The following SCN11A variants were observed in gnomAD, a reference collection of about 807,000 sequenced individuals.
SCN11A encodes the protein sodium channel protein type 11 subunit alpha.
In SCN11A, 122 loss-of-function variants were observed where a neutral mutation model predicts 162.2. The ratio of observed to expected loss-of-function variants is 0.75; its 90% confidence interval spans 0.65 to 0.87. The LOEUF is 0.87. Ranked by LOEUF, SCN11A falls within the 40% of genes least tolerant of loss-of-function variation. SCN11A has a pLI of 0.00. For missense variants in SCN11A, 2,015 were observed against 2,181.6 expected (o/e 0.92, Z 1.52); for synonymous variants, 758 against 751.5 (o/e 1.01, Z -0.14).
At chr3:39,049,534 T>C (rs914089853) in intron 1 of SCN11A, among the ~76,000 whole-genome samples, 5 of 152,164 alleles carry the variant, frequency 3.3e-5, no homozygotes, top group Non-Finnish European at 7.3e-5. Context: ...CAATGACCAA[T>C]GGAATAGACT....
intron 2 of SCN11A, among the ~76,000 whole-genome samples, chr3:38,975,893 T>C (rs1200660381): frequency 6.6e-6 from 1 of 152,150 alleles, no homozygotes; most frequent in Admixed American, 6.6e-5. Flanking sequence ...GCTCTGGAGA[T>C]TGATCTCACA....
chr3:39,040,035 GCTGGTGCCCAC>G (rs1209329522), intron 1 of SCN11A, among the ~76,000 whole-genome samples: 6 of 152,138 alleles, frequency 3.9e-5, no homozygotes, highest in South Asian at 2.1e-4. Context: ...GTTCCTCAGG[GCTGGTGCCCAC>G]CTGGTGCCCA....
chr3:38,967,940 C>G (rs1171021950), intron 2 of SCN11A, among the ~76,000 whole-genome samples: 1 of 152,190 alleles, frequency 6.6e-6, no homozygotes, highest in African/African-American at 2.4e-5. Flanking sequence ...CACTCTGCTT[C>G]CAATTCTAAT....
intron 23 of SCN11A, among the ~76,000 whole-genome samples, chr3:38,873,362 T>C (rs1038734201): frequency 6.6e-6 from 1 of 152,130 alleles, no homozygotes. Flanking sequence ...CTAAAAACAT[T>C]CCTCACAAAT....
intron 19 of SCN11A, among the ~76,000 whole-genome samples, chr3:38,890,081 C>T (rs2065473954): frequency 1.3e-5 from 2 of 152,030 alleles, no homozygotes; most frequent in Admixed American, 1.3e-4. Flanking sequence ...AAGTTGGCTC[C>T]CTTTTTCCAT....
chr3:38,883,335 C>G lies in SCN11A; in HGVS notation c.3117G>C (p.Trp1039Cys). 6.2e-7 allele frequency: 1 copy of G among 1,614,004 alleles called. No homozygotes were observed. The highest frequency in any genetic ancestry group is 8.5e-7 in the Non-Finnish European group (1 of 1,179,944). ...TTTTCCGCAGGTTCCACCAAATGAC[C>G]CAGGGAGGCTTTCTCTTGTCCACGC... ...CCSVDKRKPP[W>C]VIWWNLRKTC... Residue 1039 changes from tryptophan (W) to cysteine (C), a missense_variant, in exon 22 of 30, where the codon TGG (tryptophan) becomes TGC (cysteine). Physicochemically the swap from Trp to Cys is radical, Grantham distance 215. Coordinates refer to ENST00000302328, the MANE Select transcript of SCN11A (RefSeq NM_001349253.2).
At chr3:38,994,778 C>T (rs554718065) in intron 2 of SCN11A, among the ~76,000 whole-genome samples, 1 of 152,242 alleles carries the variant, frequency 6.6e-6, no homozygotes, top group South Asian at 2.1e-4. Context: ...CCCACAAGAT[C>T]CACCTGGAGA....
chr3:38,927,852 C>T (rs1036043999), intron 7 of SCN11A, among the ~76,000 whole-genome samples: 1 of 152,148 alleles, frequency 6.6e-6, no homozygotes, highest in African/African-American at 2.4e-5. Context: ...CTCTACCACA[C>T]GTTAGGATTA....
chr3:38,904,475 T>C (rs1447380511), intron 15 of SCN11A, among the ~76,000 whole-genome samples: 2 of 152,034 alleles, frequency 1.3e-5, no homozygotes, highest in African/African-American at 4.8e-5. Flanking sequence ...AGGTCAGCTG[T>C]AACAGAGGCA....
chr3:39,018,255 C>T (rs2031347949), intron 2 of SCN11A, among the ~76,000 whole-genome samples: 1 of 152,162 alleles, frequency 6.6e-6, no homozygotes, highest in Non-Finnish European at 1.5e-5. Flanking sequence ...AGTACTCTGC[C>T]AAATACTAGA....
rs1553648565 is a variant in SCN11A, at chr3:38,995,797, T to TTGTCTATCTATCTATCTGTCTGTC, written c.-279-35375_-279-35374insGACAGACAGATAGATAGATAGACA. The stretch of plus-strand genomic sequence containing the variant: ...ATGTGAGCCAATTTCTCACAATAAA[T>TTGTCTATCTATCTATCTGTCTGTC]TGTCTATCTATCTATCTATCTGTCT... On this transcript the variant is annotated intron_variant, in intron 2 of 29. Coordinates refer to ENST00000302328, the MANE Select transcript of SCN11A (RefSeq NM_001349253.2). Among the ~76,000 whole-genome samples the TTGTCTATCTATCTATCTGTCTGTC allele has an allele frequency of 3.2e-3, 352 of 108,532 alleles. 2 individuals carry two copies. Among genetic ancestry groups the TTGTCTATCTATCTATCTGTCTGTC allele is most frequent in the African/African-American group, 0.015 (325 of 22,146 alleles). 71.2% of individuals were successfully genotyped at this position (108,532 alleles called of 152,430 possible).
chr3:38,860,358 T>C (rs1048238809), intron 28 of SCN11A, among the ~76,000 whole-genome samples: 3 of 151,758 alleles, frequency 2.0e-5, no homozygotes, highest in East Asian at 1.9e-4. Context: ...CACTAAAAGA[T>C]AGAGAAAGAG....
At chr3:38,866,713 G>A (rs1195281536) in intron 27 of SCN11A, among the ~76,000 whole-genome samples, 1 of 152,188 alleles carries the variant, frequency 6.6e-6, no homozygotes, top group East Asian at 1.9e-4. Flanking sequence ...CCACCTTTGG[G>A]TGATTTAAAT....
At chr3:38,971,273 GA>G (rs1559560694) in intron 2 of SCN11A, among the ~76,000 whole-genome samples, 1 of 151,988 alleles carries the variant, frequency 6.6e-6, no homozygotes, top group African/African-American at 2.4e-5. Context: ...GAGCTCAGCA[GA>G]AGAGACACGT....
At chr3:39,039,176 A>C (rs2031978832) in intron 1 of SCN11A, among the ~76,000 whole-genome samples, 1 of 152,200 alleles carries the variant, frequency 6.6e-6, no homozygotes, top group Non-Finnish European at 1.5e-5. Context: ...AAATCAAAGA[A>C]ATCATTGTTT....
At chr3:38,939,042 G>GC (rs1420782589) in intron 7 of SCN11A, among the ~76,000 whole-genome samples, 1 of 151,972 alleles carries the variant, frequency 6.6e-6, no homozygotes, top group African/African-American at 2.4e-5. Context: ...GCGTGGTGGT[G>GC]CATGTCTGTA....
intron 2 of SCN11A, among the ~76,000 whole-genome samples, chr3:38,976,917 C>A (rs2066853302): frequency 6.6e-6 from 1 of 152,164 alleles, no homozygotes; most frequent in South Asian, 2.1e-4. Context: ...AGCCTTCCTT[C>A]TCAGAAGGTA....
intron 5 of SCN11A, 136 bp from the exon 6 acceptor site, chr3:38,947,043 C>A: frequency 1.7e-6 from 1 of 605,878 alleles, no homozygotes; most frequent in Non-Finnish European, 2.9e-6. Flanking sequence ...GAATATTTAC[C>A]CAATGGGATA....
chr3:38,869,181 T>G (rs2065086622), intron 26 of SCN11A, among the ~76,000 whole-genome samples: 1 of 151,920 alleles, frequency 6.6e-6, no homozygotes, highest in Non-Finnish European at 1.5e-5. Flanking sequence ...CTCCACACAC[T>G]TCCACCCACC....
Sources: allele counts gnomAD v4.1 joint callset (sites outside exome capture counted in the v4.1 genomes callset), GRCh38; gene constraint gnomAD v4.1.1; transcripts MANE v1.5; gene names NCBI Gene and HGNC (gene_info 2026-07-23, HGNC 2026-07-21).